The following PRKN variants were observed in gnomAD, a reference collection of about 807,000 sequenced individuals.
PRKN encodes E3 ubiquitin-protein ligase parkin.
In PRKN, 56 loss-of-function variants were observed where a neutral mutation model predicts 59.5. That is an observed-to-expected ratio of 0.94 (90% CI 0.76 to 1.18). The LOEUF (loss-of-function observed/expected upper bound fraction) is 1.18. PRKN is among the 50% of genes most tolerant of loss of function. The pLI is 0.00. For missense variants in PRKN, 657 were observed against 596.4 expected, an observed-to-expected ratio of 1.10 and a Z score of -1.06; for synonymous variants, 250 against 222.1, an observed-to-expected ratio of 1.13 and a Z score of -1.12.
chr6:162,014,609 G>A (rs985354921), intron 5 of PRKN, among the ~76,000 whole-genome samples: 5 of 152,260 alleles, frequency 3.3e-5, no homozygotes, highest in South Asian at 4.1e-4. Context: ...GAACGGAAGC[G>A]AGCTGGTGCT....
intron 6 of PRKN, among the ~76,000 whole-genome samples, chr6:161,958,621 G>C (rs1780269738): frequency 6.6e-6 from 1 of 151,930 alleles, no homozygotes; most frequent in Non-Finnish European, 1.5e-5. Context: ...GCTCACACCT[G>C]TAATCTCAGC....
chr6:162,520,403 T>C (rs915580575), intron 1 of PRKN, among the ~76,000 whole-genome samples: 1 of 152,172 alleles, frequency 6.6e-6, no homozygotes, highest in Non-Finnish European at 1.5e-5. Context: ...GGAAACATTT[T>C]TCTTTTGCTG....
intron 1 of PRKN, among the ~76,000 whole-genome samples, chr6:162,669,638 T>C (rs1779247030): frequency 6.6e-6 from 1 of 152,130 alleles, no homozygotes; most frequent in South Asian, 2.1e-4. Flanking sequence ...CCAAAACAGA[T>C]ACTTGAGAAC....
chr6:162,581,886 G>C (rs2128211489), intron 1 of PRKN, among the ~76,000 whole-genome samples: 1 of 152,264 alleles, frequency 6.6e-6, no homozygotes, highest in African/African-American at 2.4e-5. Context: ...ATAGTTATGA[G>C]AAGGCTGGTC....
chr6:161,355,161 G>A lies in PRKN; in HGVS notation c.1285+4927C>T, dbSNP rs570688020. The stretch of plus-strand genomic sequence containing the variant: ...GCAGGGGCTGCCTCCGCACACCGGC[G>A]CGCGCACACCCGGTGTCTTTGCTCA... On this transcript the variant is annotated intron_variant, in intron 11 of 11. Coordinates refer to ENST00000366898, the MANE Select transcript of PRKN (RefSeq NM_004562.3). The surrounding 1 kb of genome is among the most constrained non-coding windows in gnomAD (Gnocchi z 6.8). 1.1e-3 allele frequency among the ~76,000 whole-genome samples: 169 copies of A among 152,194 alleles called. No homozygotes were observed. Among genetic ancestry groups the A allele is most frequent in the Non-Finnish European group, 1.9e-3 (131 of 68,042 alleles).
intron 7 of PRKN, 95 bp from the exon 8 acceptor site, chr6:161,569,511 G>A (rs1351402546): frequency 1.2e-5 from 13 of 1,069,878 alleles, no homozygotes; most frequent in Non-Finnish European, 1.7e-5. Flanking sequence ...TGCCAGTGTT[G>A]CCTTTTGGGA....
intron 2 of PRKN, among the ~76,000 whole-genome samples, chr6:162,336,806 G>T (rs1386431576): frequency 6.6e-6 from 1 of 152,196 alleles, no homozygotes; most frequent in Non-Finnish European, 1.5e-5. Context: ...ATAGAGGACA[G>T]CTCAACAAAT....
intron 2 of PRKN, among the ~76,000 whole-genome samples, chr6:162,281,776 G>A (rs1446993615): frequency 6.6e-6 from 1 of 152,186 alleles, no homozygotes; most frequent in Non-Finnish European, 1.5e-5. Context: ...TACTGACTTT[G>A]TAGAATCCTA....
chr6:162,218,660 A>C (rs1302700755), intron 3 of PRKN, among the ~76,000 whole-genome samples: 1 of 152,126 alleles, frequency 6.6e-6, no homozygotes, highest in Non-Finnish European at 1.5e-5. Context: ...AGTGGACACA[A>C]AATAAGCATT....
intron 2 of PRKN, among the ~76,000 whole-genome samples, chr6:162,413,673 A>G (rs914648524): frequency 2.7e-4 from 41 of 152,190 alleles, no homozygotes; most frequent in African/African-American, 9.2e-4. Flanking sequence ...ACTGGATTTT[A>G]TTCAATTTAG....
chr6:162,500,172 CTT>C (rs36107785), intron 1 of PRKN, among the ~76,000 whole-genome samples: 2,576 of 133,844 alleles, frequency 0.019, 44 homozygotes, highest in African/African-American at 0.041. Flanking sequence ...CTCTTTTCTT[CTT>C]TTTTTTTTTT....
Position 161,662,574 on chromosome 6 carries a change from C to T in PRKN, c.872-93158G>A, listed in dbSNP as rs368385847. Among the ~76,000 whole-genome samples, 7 of 152,262 alleles carry T rather than the reference C, an allele frequency of 4.6e-5. No homozygotes were observed. In the South Asian group the frequency reaches 1.2e-3, roughly 27 times the overall value. On this transcript the variant is annotated intron_variant, in intron 7 of 11. Coordinates refer to ENST00000366898, the MANE Select transcript of PRKN (RefSeq NM_004562.3). ...GCCTGGTGAATGGCAGACAGTGGCACGTGGCAGTGGCAAGTGCAGCAGCTT... is the reference window on the plus strand; with the variant it reads ...GCCTGGTGAATGGCAGACAGTGGCATGTGGCAGTGGCAAGTGCAGCAGCTT...
At chr6:162,477,390 G>A (rs981157838) in intron 1 of PRKN, among the ~76,000 whole-genome samples, 3 of 152,150 alleles carry the variant, frequency 2.0e-5, no homozygotes, top group African/African-American at 7.2e-5. Flanking sequence ...ACTTCCACGC[G>A]TGGGACTTAC....
At chr6:161,686,817 C>A (rs961801313) in intron 7 of PRKN, among the ~76,000 whole-genome samples, 2 of 152,206 alleles carry the variant, frequency 1.3e-5, no homozygotes, top group Non-Finnish European at 2.9e-5. Context: ...CCTTAGGAAA[C>A]TTTCTCCATT....
chr6:162,384,655 A>AAC (rs1562720203), intron 2 of PRKN, among the ~76,000 whole-genome samples: 3 of 141,582 alleles, frequency 2.1e-5, no homozygotes, highest in Admixed American at 1.4e-4. Context: ...TGTAAAAAAA[A>AAC]AAAAAAACAA....
intron 1 of PRKN, among the ~76,000 whole-genome samples, chr6:162,637,941 T>C (rs1184720045): frequency 6.6e-6 from 1 of 152,174 alleles, no homozygotes; most frequent in African/African-American, 2.4e-5. Context: ...TGAACGCCAA[T>C]GAATGATTGA....
chr6:162,648,326 T>C (rs948643372), intron 1 of PRKN, among the ~76,000 whole-genome samples: 1 of 152,096 alleles, frequency 6.6e-6, no homozygotes. Flanking sequence ...GTTTAAAGCA[T>C]GGCAGCATTC....
At chr6:161,761,803 A>C (rs1167464039) in intron 7 of PRKN, among the ~76,000 whole-genome samples, 1 of 152,196 alleles carries the variant, frequency 6.6e-6, no homozygotes, top group African/African-American at 2.4e-5. Context: ...ACTGGGAAAA[A>C]CGGAATCCCA....
rs369772904 is a variant in PRKN, at chr6:161,399,143, T to A, written c.1084-12266A>T. ...GAGATTGGCTGCTGGACGGCCCAAC[T>A]CCAGGGGAAGATCATCTTTCTACTC... On this transcript the variant is annotated intron_variant, in intron 9 of 11. Transcript: ENST00000366898. The surrounding 1 kb of genome is among the most constrained non-coding windows in gnomAD (Gnocchi z 4.4). Among the ~76,000 whole-genome samples the A allele has an allele frequency of 6.6e-6, 1 of 152,098 alleles. No homozygotes were observed. Among genetic ancestry groups the A allele is most frequent in the African/African-American group, 2.4e-5 (1 of 41,408 alleles).
Sources: gnomAD v4.1 joint callset for allele counts (sites outside exome capture counted in the v4.1 genomes callset) on GRCh38, gnomAD v4.1.1 for gene constraint, Gnocchi (gnomAD v3.1) non-coding constraint, MANE v1.5 for transcripts, NCBI Gene and HGNC (gene_info 2026-07-23, HGNC 2026-07-21) for gene names.